PLCH1: variants seen among roughly 807,000 people sequenced by gnomAD.
PLCH1 encodes the protein 1-phosphatidylinositol 4,5-bisphosphate phosphodiesterase eta-1.
Under a neutral mutation model 126.7 loss-of-function variants are expected in PLCH1, and 60 were observed. The ratio of observed to expected loss-of-function variants is 0.47; its 90% CI spans 0.38 to 0.59. The LOEUF (loss-of-function observed/expected upper bound fraction) is 0.59, where lower values mean the gene tolerates loss of function less well. Ranked by LOEUF, PLCH1 falls within the 20% of genes least tolerant of loss-of-function variation. PLCH1 has a pLI of 0.00. For synonymous variants in PLCH1, 719 were observed against 734.9 expected (o/e 0.98, Z 0.35); for missense variants, 1,723 against 2,040.0 (o/e 0.84, Z 2.99).
intron 11 of PLCH1, among the ~76,000 whole-genome samples, chr3:155,518,443 A>T (rs916127700): frequency 2.0e-5 from 3 of 152,194 alleles, no homozygotes; most frequent in East Asian, 1.9e-4. Context: ...AAGACTTCCC[A>T]TTCAAGACTG....
intron 10 of PLCH1, among the ~76,000 whole-genome samples, chr3:155,539,749 C>G (rs1320890296): frequency 1.3e-5 from 2 of 152,050 alleles, no homozygotes; most frequent in Non-Finnish European, 2.9e-5. Flanking sequence ...ATGACACAAA[C>G]AAATGGAAAC....
intron 22 of PLCH1, chr3:155,483,507 A>C (rs1023245758): frequency 4.3e-6 from 2 of 466,452 alleles, no homozygotes; most frequent in African/African-American, 4.0e-5. Context: ...AAAGAAGAAA[A>C]GAAGAAAAAC....
At chr3:155,558,647 C>T (rs1253372909) in intron 8 of PLCH1, among the ~76,000 whole-genome samples, 3 of 152,174 alleles carry the variant, frequency 2.0e-5, no homozygotes, top group African/African-American at 7.2e-5. Flanking sequence ...CACCTTTCCT[C>T]TTGTGGTGAA....
At chr3:155,744,252 G>A (rs913723508) in intron 1 of PLCH1, among the ~76,000 whole-genome samples, 1 of 152,178 alleles carries the variant, frequency 6.6e-6, no homozygotes, top group South Asian at 2.1e-4. Flanking sequence ...GCCGGGGTTT[G>A]CCTCCACCAC....
At chr3:155,539,158 T>C (rs965486101) in intron 10 of PLCH1, among the ~76,000 whole-genome samples, 1 of 152,120 alleles carries the variant, frequency 6.6e-6, no homozygotes, top group South Asian at 2.1e-4. Flanking sequence ...AAAAATCACA[T>C]GATCATCTCA....
In PLCH1 at chr3:155,488,682, C is replaced by G; in HGVS notation, c.2517G>C (p.Val839=). The G allele has an allele frequency of 6.2e-7, 1 of 1,613,472 alleles. No homozygotes were observed. The highest frequency in any genetic ancestry group is 1.1e-5 in the South Asian group (1 of 90,864). The change falls in exon 20 of 23, where the codon GTG becomes GTC. Residue 839 remains valine (V), a synonymous_variant. Coordinates refer to ENST00000460012, the MANE Select transcript of PLCH1 (RefSeq NM_014996.4). The part of the protein sequence containing the change: ...IGRDFVGQRT[V]TFSSLVPGYR... ...TACCAGGCACTAAGCTGCTGAAGGT[C>G]ACAGTTCTTTGTCCAACAAAGTCTC... is the stretch of plus-strand genomic sequence containing the variant.
At chr3:155,503,470 A>G (rs1718198255) in intron 13 of PLCH1, among the ~76,000 whole-genome samples, 1 of 151,510 alleles carries the variant, frequency 6.6e-6, no homozygotes, top group Non-Finnish European at 1.5e-5. Context: ...TTCTATTATC[A>G]ATGGACATTT....
chr3:155,703,021 T>C (rs1746387518), intron 2 of PLCH1, among the ~76,000 whole-genome samples: 1 of 152,182 alleles, frequency 6.6e-6, no homozygotes, highest in Admixed American at 6.5e-5. Flanking sequence ...ATGCTGACAT[T>C]GCTAATACCT....
At chr3:155,608,129 G>A (rs1204813579) in intron 2 of PLCH1, among the ~76,000 whole-genome samples, 4 of 152,144 alleles carry the variant, frequency 2.6e-5, no homozygotes, top group African/African-American at 9.7e-5. Context: ...TATTAAAGTA[G>A]AAGAAGCAGC....
At chr3:155,718,661 T>G in intron 1 of PLCH1, among the ~76,000 whole-genome samples, 1 of 151,224 alleles carries the variant, frequency 6.6e-6, no homozygotes, top group East Asian at 1.9e-4. Context: ...GGGGGGGAGG[T>G]GCCACAATTT....
chr3:155,470,742 A>C (rs971976924), intron 21 of PLCH1, among the ~76,000 whole-genome samples: 12 of 152,234 alleles, frequency 7.9e-5, no homozygotes, highest in Middle Eastern at 3.4e-3. Flanking sequence ...CAGAAACCCT[A>C]CAAGCCAGAA....
intron 5 of PLCH1, among the ~76,000 whole-genome samples, chr3:155,584,397 C>T (rs1731095473): frequency 6.6e-6 from 1 of 152,156 alleles, no homozygotes; most frequent in Non-Finnish European, 1.5e-5. Flanking sequence ...CATGGGCATC[C>T]TTGGTAACTC....
rs373369811 is a variant in PLCH1, at chr3:155,547,832, T to C, written c.1362+1955A>G. On this transcript the variant is annotated intron_variant, in intron 10 of 22. Transcript: ENST00000460012. ...GCATATTCTCACTCATAGGTGGGAATTGAACAACGAGAACACATGGACACA... is the reference window on the plus strand; with the variant it reads ...GCATATTCTCACTCATAGGTGGGAACTGAACAACGAGAACACATGGACACA... Among the ~76,000 whole-genome samples, 13 of 138,538 alleles carry C rather than the reference T, an allele frequency of 9.4e-5. No homozygotes were observed. In the East Asian group the frequency reaches 2.1e-3, roughly 23 times the overall value. 90.9% of individuals were successfully genotyped at this position (138,538 alleles called of 152,430 possible).
intron 22 of PLCH1, 69 bp from the exon 23 acceptor site, chr3:155,483,120 G>T: frequency 2.2e-6 from 3 of 1,341,754 alleles, no homozygotes; most frequent in South Asian, 2.6e-5. Context: ...CACTCATGTT[G>T]TCTTCGGACA....
At chr3:155,514,343 A>C (rs996689386) in intron 12 of PLCH1, among the ~76,000 whole-genome samples, 10 of 152,192 alleles carry the variant, frequency 6.6e-5, no homozygotes, top group Admixed American at 6.5e-4. Flanking sequence ...CTTCTGCCTG[A>C]AGAGCCCTCA....
chr3:155,726,697 CTTT>C (rs60339858), intron 1 of PLCH1, among the ~76,000 whole-genome samples: 3 of 135,854 alleles, frequency 2.2e-5, no homozygotes, highest in African/African-American at 2.7e-5. Flanking sequence ...TGTTCAGATT[CTTT>C]TTTTTTTTTT....
chr3:155,715,379 G>A (rs1193456062), intron 1 of PLCH1, among the ~76,000 whole-genome samples: 1 of 152,012 alleles, frequency 6.6e-6, no homozygotes, highest in South Asian at 2.1e-4. Flanking sequence ...ACAGCTCACG[G>A]CAACCTCTGC....
At chr3:155,723,681 C>T (rs990908652) in intron 1 of PLCH1, among the ~76,000 whole-genome samples, 4 of 152,076 alleles carry the variant, frequency 2.6e-5, no homozygotes, top group Non-Finnish European at 5.9e-5. Context: ...TTGGACCAAG[C>T]ATGGTGGCTC....
chr3:155,599,333 T>C (rs1478942609), intron 2 of PLCH1, among the ~76,000 whole-genome samples: 1 of 151,706 alleles, frequency 6.6e-6, no homozygotes, highest in Non-Finnish European at 1.5e-5. Context: ...TGGGGAGAAA[T>C]GTAGTAATAA....
Sources: allele counts gnomAD v4.1 joint callset (sites outside exome capture counted in the v4.1 genomes callset), GRCh38; gene constraint gnomAD v4.1.1; transcripts MANE v1.5; gene names NCBI Gene and HGNC (gene_info 2026-07-23, HGNC 2026-07-21).